The following AKT3 variants were observed in gnomAD, a reference collection of about 807,000 sequenced individuals.
The protein encoded by AKT3 is AKT serine/threonine kinase 3.
AKT3 carries 15 observed loss-of-function variants against 65.3 expected under a neutral mutation model. The ratio of observed to expected loss-of-function variants is 0.23; its 90% CI spans 0.15 to 0.35. The LOEUF is 0.35. Among genes scored for constraint, AKT3 ranks in the 10% least tolerant of loss-of-function variants. The pLI, the probability that AKT3 is intolerant of heterozygous loss-of-function variation, is 1.00. For missense variants in AKT3, 243 were observed against 576.5 expected (o/e 0.42, Z 5.92); for synonymous variants, 206 against 183.8 (o/e 1.12, Z -0.98).
intron 13 of AKT3, among the ~76,000 whole-genome samples, chr1:243,508,109 C>T (rs560196239): frequency 5.3e-5 from 8 of 152,286 alleles, no homozygotes; most frequent in Non-Finnish European, 1.0e-4. Context: ...GGAGCTGCAA[C>T]GGTTTCTTAC....
rs1669132404 is a variant in AKT3, at chr1:243,500,228, A to C, written c.*5021T>G. 1 of 252,008 alleles carries C rather than the reference A, an allele frequency of 4.0e-6. No individual in the cohort carries two copies. Among genetic ancestry groups the C allele is most frequent in the African/African-American group, 2.2e-5 (1 of 45,652 alleles). The allele number at this position is 252,008 out of a possible 1,614,324, so 15.6% of individuals were successfully genotyped here. On this transcript the variant is annotated 3_prime_UTR_variant, in exon 14 of 14. Transcript: ENST00000673466. ...ATTCATTTTTCTTTTCATGATCTATATATCAATCATCCTTCACCTTTAATC... is the reference window on the plus strand; with the variant it reads ...ATTCATTTTTCTTTTCATGATCTATCTATCAATCATCCTTCACCTTTAATC...
intron 2 of AKT3, among the ~76,000 whole-genome samples, chr1:243,800,592 C>T (rs561695295): frequency 3.3e-5 from 5 of 152,226 alleles, no homozygotes; most frequent in Admixed American, 3.3e-4. Context: ...GTGGCGCACA[C>T]CTGTAGTCCC....
At chr1:243,684,146 T>A (rs540859414) in intron 3 of AKT3, among the ~76,000 whole-genome samples, 2 of 152,278 alleles carry the variant, frequency 1.3e-5, no homozygotes, top group Non-Finnish European at 2.9e-5. Context: ...CTTTTTTTTG[T>A]ATAAATGTTT....
intron 6 of AKT3, among the ~76,000 whole-genome samples, chr1:243,635,815 G>A (rs1679932351): frequency 6.6e-6 from 1 of 151,956 alleles, no homozygotes; most frequent in East Asian, 1.9e-4. Flanking sequence ...CTGATATGTT[G>A]CTCTGAGAAG....
intron 8 of AKT3, among the ~76,000 whole-genome samples, chr1:243,588,528 A>G (rs1243473653): frequency 1.3e-5 from 2 of 152,230 alleles, no homozygotes; most frequent in African/African-American, 4.8e-5. Context: ...CCAGTAACTC[A>G]CGTAAAACTC....
At chr1:243,678,856 T>C (rs890271982) in intron 3 of AKT3, among the ~76,000 whole-genome samples, 23 of 152,330 alleles carry the variant, frequency 1.5e-4, no homozygotes, top group African/African-American at 5.5e-4. Flanking sequence ...AGTCAACTCT[T>C]GGAAAATACA....
At chr1:243,763,123 AATC>A (rs1161183769) in intron 2 of AKT3, among the ~76,000 whole-genome samples, 4 of 152,218 alleles carry the variant, frequency 2.6e-5, no homozygotes, top group African/African-American at 7.2e-5. Flanking sequence ...CCAATTTCTA[AATC>A]ATCATTTTAT....
At chr1:243,606,534 G>A (rs1677436563) in intron 8 of AKT3, among the ~76,000 whole-genome samples, 1 of 152,180 alleles carries the variant, frequency 6.6e-6, no homozygotes, top group African/African-American at 2.4e-5. Flanking sequence ...GGTATCTGGT[G>A]GAGGAAATTT....
intron 1 of AKT3, 34 bp downstream of exon 1, chr1:243,850,006 G>A (rs1397487633): frequency 1.0e-6 from 1 of 984,180 alleles, no homozygotes; most frequent in Non-Finnish European, 1.2e-6. Flanking sequence ...GGCCAGGCGG[G>A]GAGGGGGCTA....
chr1:243,573,908 T>C (rs1433720675), intron 8 of AKT3, among the ~76,000 whole-genome samples: 2 of 152,132 alleles, frequency 1.3e-5, no homozygotes, highest in Non-Finnish European at 2.9e-5. Context: ...TTGGACAACA[T>C]ACATGAAGAA....
chr1:243,807,783 C>A (rs1037102804), intron 2 of AKT3, among the ~76,000 whole-genome samples: 1 of 152,214 alleles, frequency 6.6e-6, no homozygotes, highest in Admixed American at 6.5e-5. Flanking sequence ...AGGCAACCCC[C>A]AGTAGGGGCA....
At chr1:243,714,984 T>C (rs183547339) in intron 2 of AKT3, among the ~76,000 whole-genome samples, 157 of 152,238 alleles carry the variant, frequency 1.0e-3, no homozygotes, top group African/African-American at 3.8e-3. Context: ...ATATGAATCC[T>C]TTAAATTTCA....
At chr1:243,833,641 A>G (rs947679993) in intron 2 of AKT3, among the ~76,000 whole-genome samples, 1 of 152,168 alleles carries the variant, frequency 6.6e-6, no homozygotes, top group Non-Finnish European at 1.5e-5. Flanking sequence ...AAGTCAAAAT[A>G]ACAACAGGTG....
intron 2 of AKT3, among the ~76,000 whole-genome samples, chr1:243,797,638 T>C (rs1445554758): frequency 6.6e-6 from 1 of 152,150 alleles, no homozygotes. Flanking sequence ...TCTCTGTTCT[T>C]ACCACAGAAT....
chr1:243,675,577 T>A (rs1194667220), intron 3 of AKT3, among the ~76,000 whole-genome samples: 1 of 152,238 alleles, frequency 6.6e-6, no homozygotes, highest in African/African-American at 2.4e-5. Context: ...CTCCTTCGTT[T>A]TGCTGGTAAA....
intron 2 of AKT3, among the ~76,000 whole-genome samples, chr1:243,722,498 C>T (rs965469952): frequency 6.6e-6 from 1 of 152,120 alleles, no homozygotes; most frequent in Admixed American, 6.5e-5. Flanking sequence ...TCCCCCATCA[C>T]ATAACTTCAC....
intron 12 of AKT3, among the ~76,000 whole-genome samples, chr1:243,515,709 G>C (rs943816328): frequency 5.3e-5 from 8 of 152,064 alleles, no homozygotes; most frequent in African/African-American, 1.9e-4. Flanking sequence ...TCTCTTTGCG[G>C]GCCAGGTGTG....
At chr1:243,698,022 C>T (rs139611542) in intron 2 of AKT3, among the ~76,000 whole-genome samples, 3,218 of 151,958 alleles carry the variant, frequency 0.021, 56 homozygotes, top group Non-Finnish European at 0.034. Context: ...TGAAAAAAGA[C>T]GGCCCTAATA....
chr1:243,849,386 A>ACC (rs57424400), intron 1 of AKT3, among the ~76,000 whole-genome samples: 31 of 107,038 alleles, frequency 2.9e-4, no homozygotes, highest in South Asian at 1.0e-3. Flanking sequence ...CCACACACAC[A>ACC]CCCCCCCCCC....
Sources: gnomAD v4.1 joint callset for allele counts (sites outside exome capture counted in the v4.1 genomes callset) on GRCh38, gnomAD v4.1.1 for gene constraint, MANE v1.5 for transcripts, NCBI Gene and HGNC (gene_info 2026-07-23, HGNC 2026-07-21) for gene names.